The following KIAA1958 variants were observed in gnomAD, a reference collection of about 807,000 sequenced individuals.
KIAA1958 encodes the protein uncharacterized protein KIAA1958.
A neutral mutation model predicts 47.2 loss-of-function variants in KIAA1958; 14 were observed. That is an observed-to-expected ratio of 0.30 (90% CI 0.20 to 0.46). The LOEUF (loss-of-function observed/expected upper bound fraction) is 0.46. KIAA1958 is among the 20% of genes least tolerant of loss of function. KIAA1958 has a pLI of 1.00. For missense variants in KIAA1958, 803 were observed against 909.2 expected (o/e 0.88, Z 1.50); for synonymous variants, 354 against 353.3 (o/e 1.00, Z -0.02).
At chr9:112,614,578 A>G (rs142219323) in intron 2 of KIAA1958, among the ~76,000 whole-genome samples, 37 of 152,272 alleles carry the variant, frequency 2.4e-4, no homozygotes, top group Non-Finnish European at 4.9e-4. Context: ...CTTTAAAACT[A>G]TTTCTTTCCC....
chr9:112,503,159 A>G (rs979015808), intron 1 of KIAA1958, among the ~76,000 whole-genome samples: 1 of 152,182 alleles, frequency 6.6e-6, no homozygotes, highest in Non-Finnish European at 1.5e-5. Flanking sequence ...GGGATATGAA[A>G]TATTTCAGGG....
At chr9:112,557,089 G>A (rs1835255230) in intron 1 of KIAA1958, among the ~76,000 whole-genome samples, 1 of 152,100 alleles carries the variant, frequency 6.6e-6, no homozygotes, top group Admixed American at 6.6e-5. Context: ...CTCCCGAGTA[G>A]CTGGGACTAA....
chr9:112,501,718 C>T (rs947957532), intron 1 of KIAA1958, among the ~76,000 whole-genome samples: 6 of 152,272 alleles, frequency 3.9e-5, no homozygotes, highest in Non-Finnish European at 8.8e-5. Flanking sequence ...AGCCAAGATT[C>T]GAAACCCTAA....
chr9:112,512,982 C>T (rs1055611108), intron 1 of KIAA1958, among the ~76,000 whole-genome samples: 32 of 150,160 alleles, frequency 2.1e-4, no homozygotes, highest in Non-Finnish European at 3.0e-4. Context: ...GGATTACAGG[C>T]GCCCGCCACC....
At chr9:112,602,265 A>T (rs761325642) in intron 2 of KIAA1958, among the ~76,000 whole-genome samples, 1 of 152,212 alleles carries the variant, frequency 6.6e-6, no homozygotes. Context: ...AGCTATTGCT[A>T]TAATATTTTC....
At chr9:112,525,979 T>C (rs1299925105) in intron 1 of KIAA1958, among the ~76,000 whole-genome samples, 1 of 84,488 alleles carries the variant, frequency 1.2e-5, no homozygotes, top group Non-Finnish European at 2.3e-5. Context: ...CTTCTTCTTC[T>C]TCTTCTTCTT....
At chr9:112,604,804 A>T (rs1836196820) in intron 2 of KIAA1958, among the ~76,000 whole-genome samples, 2 of 151,512 alleles carry the variant, frequency 1.3e-5, no homozygotes, top group Non-Finnish European at 2.9e-5. Flanking sequence ...TTTGCATTTA[A>T]AATTCAGAAC....
intron 1 of KIAA1958, among the ~76,000 whole-genome samples, chr9:112,489,597 C>T (rs1447209505): frequency 6.6e-6 from 1 of 151,102 alleles, no homozygotes; most frequent in Non-Finnish European, 1.5e-5. Context: ...GATTTCCTTT[C>T]TGGTAAGTTG....
chr9:112,512,739 G>C (rs965500424), intron 1 of KIAA1958, among the ~76,000 whole-genome samples: 5 of 151,676 alleles, frequency 3.3e-5, no homozygotes, highest in Admixed American at 2.0e-4. Context: ...CAAGTTACTG[G>C]CAAATTCTAC....
At chr9:112,603,990 A>C (rs1836180974) in intron 2 of KIAA1958, among the ~76,000 whole-genome samples, 1 of 152,232 alleles carries the variant, frequency 6.6e-6, no homozygotes, top group South Asian at 2.1e-4. Context: ...TCTTAAATGA[A>C]AATAGTAAAG....
At chr9:112,563,223 A>G (rs915056262) in intron 1 of KIAA1958, among the ~76,000 whole-genome samples, 5 of 151,780 alleles carry the variant, frequency 3.3e-5, no homozygotes, top group African/African-American at 1.2e-4. Flanking sequence ...AGCCTGTAAT[A>G]TTTTCTTATC....
At chr9:112,502,681 A>C (rs1314040939) in intron 1 of KIAA1958, among the ~76,000 whole-genome samples, 1 of 152,210 alleles carries the variant, frequency 6.6e-6, no homozygotes, top group East Asian at 1.9e-4. Context: ...AAGCAGTCTA[A>C]ATTTTGTCTG....
chr9:112,634,540 A>G (rs528404588), intron 2 of KIAA1958, among the ~76,000 whole-genome samples: 4 of 152,072 alleles, frequency 2.6e-5, no homozygotes, highest in Non-Finnish European at 1.5e-5. Context: ...CGTTTTGTCC[A>G]TTTTTAATTG....
intron 3 of KIAA1958, among the ~76,000 whole-genome samples, chr9:112,659,019 CAAAAAA>C (rs560013892): frequency 2.6e-4 from 15 of 57,758 alleles, no homozygotes; most frequent in Non-Finnish European, 3.7e-4. Context: ...GACTCTGACT[CAAAAAA>C]AAAAAAAAAA....
intron 2 of KIAA1958, among the ~76,000 whole-genome samples, chr9:112,608,697 G>A (rs1361600604): frequency 2.0e-5 from 3 of 152,044 alleles, no homozygotes; most frequent in Non-Finnish European, 4.4e-5. Flanking sequence ...AGGCTGAGGT[G>A]GGAGGATTGC....
At chr9:112,495,531 G>A (rs1834038545) in intron 1 of KIAA1958, among the ~76,000 whole-genome samples, 1 of 152,228 alleles carries the variant, frequency 6.6e-6, no homozygotes, top group Non-Finnish European at 1.5e-5. Context: ...GTATGAGGAT[G>A]TAGGATAGCT....
intron 1 of KIAA1958, among the ~76,000 whole-genome samples, chr9:112,568,214 A>C (rs1020032874): frequency 6.6e-6 from 1 of 152,208 alleles, no homozygotes; most frequent in Non-Finnish European, 1.5e-5. Flanking sequence ...ATATTCAGGA[A>C]GAAATAGCTT....
intron 3 of KIAA1958, among the ~76,000 whole-genome samples, chr9:112,655,244 T>G (rs1172373081): frequency 6.6e-6 from 1 of 152,222 alleles, no homozygotes; most frequent in Non-Finnish European, 1.5e-5. Context: ...TGTGTGAATG[T>G]CAATTATATT....
chr9:112,487,772 C>G (rs1833888425), intron 1 of KIAA1958, among the ~76,000 whole-genome samples: 1 of 151,836 alleles, frequency 6.6e-6, no homozygotes, highest in South Asian at 2.1e-4. Flanking sequence ...TCAAATATAT[C>G]GAGAAATGTA....
Sources: allele counts gnomAD v4.1 joint callset (sites outside exome capture counted in the v4.1 genomes callset), GRCh38; gene constraint gnomAD v4.1.1; transcripts MANE v1.5; gene names NCBI Gene and HGNC (gene_info 2026-07-23, HGNC 2026-07-21).